GRIK2: variants seen among roughly 807,000 people sequenced by gnomAD.
GRIK2 encodes glutamate receptor ionotropic, kainate 2.
A neutral mutation model predicts 100.3 loss-of-function variants in GRIK2; 32 were observed. The ratio of observed to expected loss-of-function variants is 0.32; its 90% CI spans 0.24 to 0.43. GRIK2 has a LOEUF of 0.43. Ranked by LOEUF, GRIK2 falls within the 20% of genes least tolerant of loss-of-function variation. The pLI is 1.00. For synonymous variants in GRIK2, 417 were observed against 389.4 expected (o/e 1.07, Z -0.83); for missense variants, 843 against 1,114.9 (o/e 0.76, Z 3.47).
At chr6:101,398,531 T>A (rs1311925004) in intron 1 of GRIK2, among the ~76,000 whole-genome samples, 4 of 152,232 alleles carry the variant, frequency 2.6e-5, no homozygotes, top group Admixed American at 2.0e-4. Context: ...AGTAAATTCC[T>A]CCGTCTTAGA....
chr6:102,061,923 A>G (rs1771773082), intron 16 of GRIK2, among the ~76,000 whole-genome samples: 1 of 150,540 alleles, frequency 6.6e-6, no homozygotes, highest in South Asian at 2.1e-4. Flanking sequence ...CTTAAAAAAA[A>G]TCGTATCATT....
chr6:102,004,604 G>A (rs568540872), intron 14 of GRIK2, among the ~76,000 whole-genome samples: 20 of 151,804 alleles, frequency 1.3e-4, no homozygotes, highest in Admixed American at 3.3e-4. Context: ...GATCACAGAG[G>A]GTCAGAAGCA....
intron 2 of GRIK2, among the ~76,000 whole-genome samples, chr6:101,595,738 ATATT>A (rs1778899304): frequency 6.7e-6 from 1 of 148,312 alleles, no homozygotes; most frequent in African/African-American, 2.5e-5. Context: ...ATATATATAT[ATATT>A]CATACACATA....
chr6:101,951,254 G>A (rs13217718), intron 14 of GRIK2, among the ~76,000 whole-genome samples: 41,576 of 151,988 alleles, frequency 0.27, 6,207 homozygotes, highest in Non-Finnish European at 0.33. Context: ...AAGAAATCCT[G>A]TATTTTCTAT....
chr6:102,036,500 T>A (rs1302606701), intron 15 of GRIK2, among the ~76,000 whole-genome samples: 1 of 151,222 alleles, frequency 6.6e-6, no homozygotes, highest in African/African-American at 2.4e-5. Flanking sequence ...TCCAATGTAA[T>A]CACAAGAGCT....
At chr6:101,944,546 A>C (rs1791154418) in intron 14 of GRIK2, among the ~76,000 whole-genome samples, 1 of 152,154 alleles carries the variant, frequency 6.6e-6, no homozygotes, top group Non-Finnish European at 1.5e-5. Flanking sequence ...GATTTACTGT[A>C]TTGTCTATTC....
At position 102,051,251 on chromosome 6, in the gene GRIK2, CCCTTCCTTCCTTCCTTCCTT is replaced by C. The variant is rs369459574; in HGVS notation, c.2312-4036_2312-4017del. 7.0e-3 allele frequency among the ~76,000 whole-genome samples: 850 copies of C among 122,122 alleles called. 4 individuals are homozygous for C. The highest frequency in any genetic ancestry group is 0.025 in the Middle Eastern group (6 of 244). 80.1% of individuals were successfully genotyped at this position (122,122 alleles called of 152,430 possible). On this transcript the variant is annotated intron_variant, in intron 15 of 16. Transcript: ENST00000369134. ...ACTATGACTGCCTGCTTCCCTCCCT[CCCTTCCTTCCTTCCTTCCTT>C]CCTTCCTTCCTTCCTTCCTTCCTTC...
chr6:101,429,486 G>T (rs1769252362), intron 2 of GRIK2, among the ~76,000 whole-genome samples: 1 of 152,116 alleles, frequency 6.6e-6, no homozygotes, highest in South Asian at 2.1e-4. Context: ...CACAGACCAA[G>T]AATTATCTTG....
At chr6:101,646,740 C>T (rs778700902) in intron 4 of GRIK2, among the ~76,000 whole-genome samples, 20 of 151,796 alleles carry the variant, frequency 1.3e-4, no homozygotes, top group African/African-American at 2.2e-4. Flanking sequence ...TTAAATCTCC[C>T]GCCTGATAGA....
intron 7 of GRIK2, among the ~76,000 whole-genome samples, chr6:101,767,339 G>T (rs1778101106): frequency 6.6e-6 from 1 of 151,874 alleles, no homozygotes; most frequent in South Asian, 2.1e-4. Context: ...AAAAAGAAAG[G>T]TAAACTTTTC....
chr6:101,771,867 C>A (rs1370965467), intron 7 of GRIK2, among the ~76,000 whole-genome samples: 1 of 151,982 alleles, frequency 6.6e-6, no homozygotes, highest in Non-Finnish European at 1.5e-5. Flanking sequence ...ATGAACTCAT[C>A]ATTTTTTATG....
At chr6:101,578,361 A>G (rs1314873028) in intron 2 of GRIK2, among the ~76,000 whole-genome samples, 1 of 152,142 alleles carries the variant, frequency 6.6e-6, no homozygotes, top group Non-Finnish European at 1.5e-5. Flanking sequence ...TAATGTTGAA[A>G]ATTGGAAGAA....
chr6:101,591,752 T>C (rs948010999), intron 2 of GRIK2, among the ~76,000 whole-genome samples: 13 of 152,010 alleles, frequency 8.6e-5, no homozygotes, highest in Non-Finnish European at 1.9e-4. Flanking sequence ...TTAACCTTAA[T>C]TGAGTTTAAG....
chr6:101,860,945 A>C lies in GRIK2; in HGVS notation c.1524+1452A>C, dbSNP rs1784699775. ...AGGTATTGTTAGTCCTTGAAAAAAG[A>C]CCTTTTCCCTGAAAACATCATCCTC... On this transcript the variant is annotated intron_variant, in intron 11 of 16. Coordinates refer to ENST00000369134, the MANE Select transcript of GRIK2 (RefSeq NM_021956.5). The C allele has an allele frequency of 3.3e-6, 3 of 920,908 alleles. No individual in the cohort carries two copies. The South Asian group carries it at 1.5e-4, about 46-fold the overall frequency. The allele number at this position is 920,908 out of a possible 1,614,324, so 57.0% of individuals were successfully genotyped here. A position where few individuals can be genotyped will look rare whatever the true frequency, so the allele number is the denominator to read the frequency against.
At chr6:101,836,393 G>C (rs1291540214) in intron 10 of GRIK2, among the ~76,000 whole-genome samples, 1 of 151,858 alleles carries the variant, frequency 6.6e-6, no homozygotes, top group Non-Finnish European at 1.5e-5. Context: ...ATGACTGTTA[G>C]TGTGAAATAA....
intron 4 of GRIK2, among the ~76,000 whole-genome samples, chr6:101,675,748 G>A (rs1295158220): frequency 6.6e-6 from 1 of 152,090 alleles, no homozygotes; most frequent in Non-Finnish European, 1.5e-5. Flanking sequence ...TTCTCTAGGA[G>A]AATGCTTACT....
At chr6:102,064,810 A>G (rs1771935827) in intron 16 of GRIK2, among the ~76,000 whole-genome samples, 1 of 151,162 alleles carries the variant, frequency 6.6e-6, no homozygotes, top group Non-Finnish European at 1.5e-5. Context: ...AAAAGAATGT[A>G]TATTTGCTCT....
intron 2 of GRIK2, among the ~76,000 whole-genome samples, chr6:101,545,589 A>G (rs1315963181): frequency 6.6e-6 from 1 of 152,206 alleles, no homozygotes; most frequent in African/African-American, 2.4e-5. Context: ...GGTGTTTCAT[A>G]GACACTTGGC....
intron 2 of GRIK2, among the ~76,000 whole-genome samples, chr6:101,437,444 C>G (rs1769787550): frequency 6.6e-6 from 1 of 152,056 alleles, no homozygotes; most frequent in Non-Finnish European, 1.5e-5. Context: ...TGGTCTATTT[C>G]CATTTACTTC....
Sources: gnomAD v4.1 joint callset for allele counts (sites outside exome capture counted in the v4.1 genomes callset) on GRCh38, gnomAD v4.1.1 for gene constraint, MANE v1.5 for transcripts, NCBI Gene and HGNC (gene_info 2026-07-23, HGNC 2026-07-21) for gene names.